Variants in PIEZO2 observed in about 807,000 individuals in gnomAD.
PIEZO2 encodes piezo-type mechanosensitive ion channel component 2.
In PIEZO2, 172 loss-of-function variants were observed where a neutral mutation model predicts 337.3. That is an observed-to-expected ratio of 0.51 (90% confidence interval 0.45 to 0.58). The LOEUF (loss-of-function observed/expected upper bound fraction) is 0.58, where lower values mean the gene tolerates loss of function less well. PIEZO2 is among the 20% of genes least tolerant of loss of function. The pLI is 0.00. For missense variants in PIEZO2, 3,028 were observed against 3,391.3 expected, an observed-to-expected ratio of 0.89 and a Z score of 2.66; for synonymous variants, 1,251 against 1,228.5, an observed-to-expected ratio of 1.02 and a Z score of -0.38.
At chr18:11,046,493 G>A (rs1388725760) in intron 2 of PIEZO2, among the ~76,000 whole-genome samples, 7 of 152,306 alleles carry the variant, frequency 4.6e-5, no homozygotes, top group Non-Finnish European at 1.0e-4. Flanking sequence ...TGATAAATAA[G>A]TAATCAATCC....
At chr18:10,867,533 A>G (rs2042036978) in intron 5 of PIEZO2, among the ~76,000 whole-genome samples, 1 of 152,212 alleles carries the variant, frequency 6.6e-6, no homozygotes, top group African/African-American at 2.4e-5. Context: ...TTTATCCTTC[A>G]TATTTGACTT....
At chr18:10,941,363 C>T (rs2032717508) in intron 3 of PIEZO2, among the ~76,000 whole-genome samples, 1 of 152,104 alleles carries the variant, frequency 6.6e-6, no homozygotes, top group Non-Finnish European at 1.5e-5. Context: ...GCTTACACCC[C>T]AAGTAGACAG....
intron 4 of PIEZO2, among the ~76,000 whole-genome samples, chr18:10,910,614 G>T (rs1308795995): frequency 6.6e-6 from 1 of 151,958 alleles, no homozygotes; most frequent in Non-Finnish European, 1.5e-5. Flanking sequence ...AAGAAAAAAA[G>T]AAAAAGAAAG....
chr18:10,838,066 T>G (rs995366605), intron 7 of PIEZO2, among the ~76,000 whole-genome samples: 6 of 152,172 alleles, frequency 3.9e-5, no homozygotes, highest in Non-Finnish European at 7.3e-5. Context: ...TTCCTCCATG[T>G]TACACAAGCG....
At chr18:11,136,128 G>C (rs1276177254) in intron 1 of PIEZO2, among the ~76,000 whole-genome samples, 3 of 152,178 alleles carry the variant, frequency 2.0e-5, no homozygotes. Context: ...GTTGCACTTT[G>C]ACAGTGACTT....
intron 7 of PIEZO2, among the ~76,000 whole-genome samples, chr18:10,851,766 G>T (rs760653741): frequency 6.6e-6 from 1 of 152,104 alleles, no homozygotes; most frequent in Non-Finnish European, 1.5e-5. Context: ...CATTTTACAT[G>T]GTGCCCAGCT....
At chr18:10,838,924 T>C (rs961858454) in intron 7 of PIEZO2, among the ~76,000 whole-genome samples, 2 of 152,206 alleles carry the variant, frequency 1.3e-5, no homozygotes, top group Non-Finnish European at 2.9e-5. Context: ...AGGTCATAAA[T>C]GTAGGCACTT....
rs1341898834 is a variant in PIEZO2, at chr18:10,716,749, G to T, written c.5090-933C>A. Among the ~76,000 whole-genome samples the T allele has an allele frequency of 2.6e-5, 4 of 152,306 alleles. No individual in the cohort carries two copies. In the East Asian group the frequency reaches 7.7e-4, roughly 29 times the overall value. ...TAGCTGCTCTGTGTAGACATAAAGG[G>T]GAAGCTTGGCTCTGGAGGATGAAAG... On this transcript the variant is annotated intron_variant, in intron 37 of 55. Transcript: ENST00000674853. The surrounding 1 kb of genome is among the most constrained non-coding windows in gnomAD (Gnocchi z 4.1).
intron 3 of PIEZO2, among the ~76,000 whole-genome samples, chr18:10,920,301 T>C (rs903999008): frequency 1.3e-5 from 2 of 152,064 alleles, no homozygotes; most frequent in Non-Finnish European, 2.9e-5. Flanking sequence ...TTGGGAATCA[T>C]AGAAAGAAAG....
chr18:10,957,446 A>G (rs1490697472), intron 3 of PIEZO2, among the ~76,000 whole-genome samples: 3 of 152,128 alleles, frequency 2.0e-5, no homozygotes, highest in Non-Finnish European at 4.4e-5. Context: ...AAAAAACATG[A>G]TGGGAAAGCT....
intron 39 of PIEZO2, chr18:10,709,150 A>G (rs1201042036): frequency 6.6e-6 from 1 of 152,190 alleles, no homozygotes; most frequent in East Asian, 1.9e-4. Context: ...TTAACTTTTC[A>G]TTTTGCCTAA....
intron 2 of PIEZO2, among the ~76,000 whole-genome samples, chr18:11,014,440 C>G (rs1429592754): frequency 6.6e-6 from 1 of 150,620 alleles, no homozygotes; most frequent in Non-Finnish European, 1.5e-5. Context: ...CGGAGCCCCT[C>G]ATTCCTCAGT....
At chr18:10,768,286 G>T (rs970990830) in intron 21 of PIEZO2, among the ~76,000 whole-genome samples, 2 of 152,196 alleles carry the variant, frequency 1.3e-5, no homozygotes, top group East Asian at 1.9e-4. Flanking sequence ...CAGAAAGTGC[G>T]CTGTGTTCAG....
rs1341142446 is a variant in PIEZO2 at position 10,894,664 on chromosome 18, C to A, written c.329+16522G>T. 1 of 152,230 alleles carries A rather than the reference C, an allele frequency of 6.6e-6. No individual in the cohort carries two copies. Among genetic ancestry groups the A allele is most frequent in the Non-Finnish European group, 1.5e-5 (1 of 68,076 alleles). 9.4% of individuals were successfully genotyped at this position (152,230 alleles called of 1,614,324 possible). On this transcript the variant is annotated intron_variant, in intron 4 of 55. Transcript: ENST00000674853. The surrounding 1 kb of genome is among the most constrained non-coding windows in gnomAD (Gnocchi z 4.1). ...GAAAGAAGGGGCGCAAGACTCCGGA[C>A]GTATGCCAACGCATAAAACCCCAAG... is the stretch of plus-strand genomic sequence containing the variant.
intron 3 of PIEZO2, among the ~76,000 whole-genome samples, chr18:10,911,787 A>AACC (rs2030505276): frequency 1.2e-4 from 18 of 150,846 alleles, no homozygotes; most frequent in Admixed American, 1.2e-3. Flanking sequence ...CAACAACAAC[A>AACC]ACAACAAAAT....
chr18:11,103,207 T>G (rs750585006), intron 1 of PIEZO2, among the ~76,000 whole-genome samples: 3 of 152,214 alleles, frequency 2.0e-5, no homozygotes, highest in Non-Finnish European at 4.4e-5. Context: ...TTATAAATTG[T>G]GTGTTAGTAA....
At chr18:10,771,498 T>C (rs946340121) in intron 20 of PIEZO2, among the ~76,000 whole-genome samples, 1 of 152,256 alleles carries the variant, frequency 6.6e-6, no homozygotes, top group African/African-American at 2.4e-5. Context: ...AACAAAAGCT[T>C]ACAAGTCTGT....
rs142075069 is a variant in PIEZO2, at chr18:10,998,705, T to A, written c.161-19045A>T. 3.5e-4 allele frequency among the ~76,000 whole-genome samples: 53 copies of A among 152,152 alleles called. 1 individual carries two copies. The East Asian group carries it at 8.9e-3, about 26-fold the overall frequency. ...ACCAAACTATACACTTATATACTAT[T>A]TTTTCTGTGATTATTAGAATGCCAA... is the stretch of plus-strand genomic sequence containing the variant. On this transcript the variant is annotated intron_variant, in intron 2 of 55. Coordinates refer to ENST00000674853, the MANE Select transcript of PIEZO2 (RefSeq NM_001378183.1).
chr18:10,698,012 C>CGGATGCATCTGTGAACAATTACTGA, intron 44 of PIEZO2, 132 bp from the exon 45 acceptor site: 5 of 1,062,348 alleles, frequency 4.7e-6, no homozygotes, highest in Non-Finnish European at 6.6e-6. Context: ...TGAGTATGCA[C>CGGATGCATCTGTGAACAATTACTGA]GGCCTTGGGA....
Sources: gnomAD v4.1 joint callset for allele counts (sites outside exome capture counted in the v4.1 genomes callset) on GRCh38, gnomAD v4.1.1 for gene constraint, Gnocchi (gnomAD v3.1) non-coding constraint, MANE v1.5 for transcripts, NCBI Gene and HGNC (gene_info 2026-07-23, HGNC 2026-07-21) for gene names.